The following CACNA1G variants were observed in gnomAD, a reference collection of about 807,000 sequenced individuals.
CACNA1G encodes the protein voltage-dependent T-type calcium channel subunit alpha-1G.
CACNA1G carries 67 observed loss-of-function variants against 219.4 expected under a neutral mutation model. The observed-to-expected ratio is 0.31, with a 90% CI of 0.25 to 0.37. CACNA1G has a LOEUF of 0.37. Ranked by LOEUF, CACNA1G falls within the 10% of genes least tolerant of loss-of-function variation. The pLI is 1.00. For synonymous variants in CACNA1G, 1,296 were observed against 1,345.3 expected, an observed-to-expected ratio of 0.96 and a Z score of 0.80; for missense variants, 2,380 against 3,231.4, an observed-to-expected ratio of 0.74 and a Z score of 6.39.
rs376712230 is a variant in CACNA1G, at chr17:50,601,779, G to A, written c.3915+605G>A. On this transcript the variant is annotated intron_variant, in intron 19 of 37. Coordinates refer to ENST00000359106, the MANE Select transcript of CACNA1G (RefSeq NM_018896.5). ...TCCTAGCCTGGCATTATAGCCCTTC[G>A]CTGTCGGCAGCAATTCTGGTTCCAG... 7.2e-5 allele frequency among the ~76,000 whole-genome samples: 11 copies of A among 152,206 alleles called. No homozygotes were observed. The South Asian group carries it at 1.7e-3, about 23-fold the overall frequency.
chr17:50,562,730 G>A (rs544729435), intron 1 of CACNA1G, among the ~76,000 whole-genome samples: 11 of 152,314 alleles, frequency 7.2e-5, no homozygotes, highest in Admixed American at 5.9e-4. Context: ...TCACTAAGGA[G>A]GACTCGGGTC....
At chr17:50,566,492 G>A (rs1238821461) in intron 1 of CACNA1G, among the ~76,000 whole-genome samples, 1 of 152,216 alleles carries the variant, frequency 6.6e-6, no homozygotes, top group Non-Finnish European at 1.5e-5. Context: ...ATCAAGAGCT[G>A]TGCATGAGGT....
rs771543254 is a variant in CACNA1G at position 50,617,488 on chromosome 17, C to T, written c.5072C>T (p.Thr1691Met). 5 of 1,613,846 alleles carry T rather than the reference C, an allele frequency of 3.1e-6. No individual in the cohort carries two copies. Among genetic ancestry groups the T allele is most frequent in the African/African-American group, 1.3e-5 (1 of 74,946 alleles). ...AIVLLSIMGI[T>M]LEEIEVNASL... is the part of the protein sequence containing the mutation. ...GTGCTGCTGTCCATCATGGGCATCACGCTGGAGGAAATCGAGGTCAACGCC... is the reference window on the plus strand; with the variant it reads ...GTGCTGCTGTCCATCATGGGCATCATGCTGGAGGAAATCGAGGTCAACGCC... Residue 1691 changes from threonine (T) to methionine (M), a missense_variant, in exon 29 of 38, where the codon ACG becomes ATG. Thr to Met is a moderately conservative substitution (Grantham distance 81, BLOSUM62 -1). Transcript: ENST00000359106. The surrounding 1 kb of genome is among the most constrained non-coding windows in gnomAD (Gnocchi z 5.8).
intron 13 of CACNA1G, among the ~76,000 whole-genome samples, chr17:50,593,972 G>A (rs1258623653): frequency 1.3e-5 from 2 of 152,242 alleles, no homozygotes. Flanking sequence ...GGGCCCCACG[G>A]TCTGGCAGGG....
At position 50,578,159 on chromosome 17, in the gene CACNA1G, A is replaced by G; in HGVS notation, c.1925-29A>G. On this transcript the variant is annotated intron_variant, in intron 8 of 37. Transcript: ENST00000359106. This position sits in a 1 kb window ranked among gnomAD's most constrained non-coding sequence, Gnocchi z 4.5. ...GGTAGCCCCAGGTACGAGACTCTGG[A>G]GCCTCTCACCTCTACTCTCCTGTTC... 6.6e-7 allele frequency: 1 copy of G among 1,515,958 alleles called. No individual in the cohort carries two copies. Among genetic ancestry groups the G allele is most frequent in the Non-Finnish European group, 8.8e-7 (1 of 1,134,558 alleles). The allele number at this position is 1,515,958 out of a possible 1,614,324, so 93.9% of individuals were successfully genotyped here. A position where few individuals can be genotyped will look rare whatever the true frequency, so the allele number is the denominator to read the frequency against.
intron 26 of CACNA1G, among the ~76,000 whole-genome samples, chr17:50,612,861 A>C (rs574851396): frequency 3.9e-5 from 6 of 152,318 alleles, no homozygotes; most frequent in African/African-American, 1.4e-4. Flanking sequence ...TGCCACAGCT[A>C]CCAATGCATC....
chr17:50,615,783 C>CTA (rs2050413542), intron 27 of CACNA1G, among the ~76,000 whole-genome samples: 1 of 152,246 alleles, frequency 6.6e-6, no homozygotes, highest in Non-Finnish European at 1.5e-5. Flanking sequence ...TGAGCGTCTA[C>CTA]TATGAGCTGC....
intron 24 of CACNA1G, chr17:50,607,425 T>A (rs1420811981): frequency 1.5e-5 from 5 of 344,508 alleles, no homozygotes; most frequent in Non-Finnish European, 2.8e-5. Context: ...CCCAGGAGTT[T>A]GAGGCTGCAA....
chr17:50,626,304 GC>G lies in CACNA1G; in HGVS notation c.6692del (p.Pro2231LeufsTer13). 1 of 1,613,454 alleles carries G rather than the reference GC, an allele frequency of 6.2e-7. No individual in the cohort carries two copies. Among genetic ancestry groups the G allele is most frequent in the Non-Finnish European group, 8.5e-7 (1 of 1,179,848 alleles). On this transcript the variant is annotated frameshift_variant, in exon 38 of 38. Transcript: ENST00000359106. LOFTEE classifies it high-confidence loss of function. The surrounding 1 kb of genome is among the most constrained non-coding windows in gnomAD (Gnocchi z 4.3). ...ELSWISGDLL[P>X]PGGQEEPPSP... Reference sequence around the variant, plus strand: ...TGAGCTGGATTTCAGGAGACCTCCTGCCCCCTGGCGGCCAGGAGGAGCCCCC... The same window carrying G: ...TGAGCTGGATTTCAGGAGACCTCCTGCCCCTGGCGGCCAGGAGGAGCCCCC...
chr17:50,606,839 G>A (rs2048067822), intron 23 of CACNA1G, 61 bp from the exon 24 acceptor site: 1 of 1,247,156 alleles, frequency 8.0e-7, no homozygotes, highest in South Asian at 1.2e-5. Flanking sequence ...GGGGGCAGGT[G>A]ATAGGTGATT....
chr17:50,599,932 G>A, intron 17 of CACNA1G, 73 bp downstream of exon 17: 2 of 1,430,880 alleles, frequency 1.4e-6, no homozygotes, highest in Admixed American at 2.0e-5. Flanking sequence ...GGCCTGGCAG[G>A]GTATAAGGGA....
chr17:50,565,717 A>G (rs958104497), intron 1 of CACNA1G, among the ~76,000 whole-genome samples: 1 of 151,666 alleles, frequency 6.6e-6, no homozygotes, highest in Admixed American at 6.6e-5. Flanking sequence ...TCCTCTCCCT[A>G]CTTTCCTCAC....
chr17:50,624,249 C>A (rs2053037438), intron 36 of CACNA1G, 111 bp from the exon 37 acceptor site: 3 of 1,257,424 alleles, frequency 2.4e-6, no homozygotes, highest in Non-Finnish European at 1.1e-6. Flanking sequence ...GGGTAGAGGC[C>A]CTGATGAGGG....
intron 9 of CACNA1G, among the ~76,000 whole-genome samples, chr17:50,589,197 C>T (rs1243509285): frequency 6.6e-6 from 1 of 151,946 alleles, no homozygotes; most frequent in Non-Finnish European, 1.5e-5. Flanking sequence ...CTGGCCACAC[C>T]CCTCCCTTCT....
intron 22 of CACNA1G, among the ~76,000 whole-genome samples, chr17:50,604,600 C>A (rs1412840365): frequency 6.6e-6 from 1 of 152,240 alleles, no homozygotes; most frequent in African/African-American, 2.4e-5. Flanking sequence ...GGATCCCCTC[C>A]CTTCCTTCCC....
intron 1 of CACNA1G, chr17:50,563,406 G>A (rs2036620905): frequency 6.6e-6 from 1 of 152,212 alleles, no homozygotes; most frequent in Non-Finnish European, 1.5e-5. Flanking sequence ...TGGCTGGAAA[G>A]GATGGGTTCC....
Position 50,621,566 on chromosome 17 carries a change from G to T in CACNA1G, c.5926-94G>T. 2 of 1,373,588 alleles carry T rather than the reference G, an allele frequency of 1.5e-6. No homozygotes were observed. The highest frequency in any genetic ancestry group is 2.0e-6 in the Non-Finnish European group (2 of 990,768). The allele number at this position is 1,373,588 out of a possible 1,614,324, so 85.1% of individuals were successfully genotyped here. On this transcript the variant is annotated intron_variant, in intron 34 of 37. Coordinates refer to ENST00000359106, the MANE Select transcript of CACNA1G (RefSeq NM_018896.5). This position sits in a 1 kb window ranked among gnomAD's most constrained non-coding sequence, Gnocchi z 4.6. ...CCCCCCTGTGCTTCGTGAAAAGGGG[G>T]AAGTGGGGACTGAGAGAGAGCGCGT... is the stretch of plus-strand genomic sequence containing the variant.
At position 50,615,458 on chromosome 17, in the gene CACNA1G, T is replaced by A; in HGVS notation, c.4857T>A (p.Gly1619=). Residue 1619 remains glycine, a synonymous_variant, in exon 27 of 38, where the codon GGT becomes GGA. Coordinates refer to ENST00000359106, the MANE Select transcript of CACNA1G (RefSeq NM_018896.5). ...ACTACCTGGACCTCTTCATCACAGGTGTCATCGGGCTGAACGTGGTCACCA... is the reference window on the plus strand; with the variant it reads ...ACTACCTGGACCTCTTCATCACAGGAGTCATCGGGCTGAACGTGGTCACCA... ...TSHYLDLFIT[G]VIGLNVVTMA... is the part of the protein sequence containing the mutation. The A allele has an allele frequency of 6.2e-7, 1 of 1,613,800 alleles. No individual in the cohort carries two copies. The highest frequency in any genetic ancestry group is 8.5e-7 in the Non-Finnish European group (1 of 1,179,738).
At position 50,596,858 on chromosome 17, in the gene CACNA1G, G is replaced by T; in HGVS notation, c.3193G>T (p.Ala1065Ser). ...STGLGEALGP[A>S]SRRTSSSGSA... ...GGGCCTGGGCGAGGCGCTGGGCCCT[G>T]CGTCGCGCCGCACCAGCAGCAGCGG... is the stretch of plus-strand genomic sequence containing the variant. Residue 1065 changes from alanine to serine, a missense_variant, in exon 16 of 38, where the codon GCG becomes TCG. Physicochemically the swap from Ala to Ser is moderately conservative, Grantham distance 99 (BLOSUM62 1). Around this residue, in one of 17 missense-constraint regions of CACNA1G, gnomAD observed 418 missense variants for 434.3 expected, o/e 0.96. Transcript: ENST00000359106. This position sits in a 1 kb window ranked among gnomAD's most constrained non-coding sequence, Gnocchi z 4.8. 1 of 1,597,122 alleles carries T rather than the reference G, an allele frequency of 6.3e-7. No homozygotes were observed. Among genetic ancestry groups the T allele is most frequent in the Non-Finnish European group, 8.5e-7 (1 of 1,172,516 alleles).
Sources: gnomAD v4.1 joint callset for allele counts (sites outside exome capture counted in the v4.1 genomes callset) on GRCh38, gnomAD v4.1.1 for gene constraint, gnomAD v4.1.1 regional missense constraint, Gnocchi (gnomAD v3.1) non-coding constraint, MANE v1.5 for transcripts, NCBI Gene and HGNC (gene_info 2026-07-23, HGNC 2026-07-21) for gene names.